CELF2: variants seen among roughly 807,000 people sequenced by gnomAD.
The protein encoded by CELF2 is CUG triplet repeat RNA-binding protein 2.
CELF2 carries 8 observed loss-of-function variants against 62.6 expected under a neutral mutation model. The ratio of observed to expected loss-of-function variants is 0.13; its 90% CI spans 0.07 to 0.23. CELF2 has a LOEUF of 0.23. CELF2 is among the 10% of genes least tolerant of loss of function. The probability of loss-of-function intolerance (pLI) is 1.00; values close to 1 mark genes in which losing one functional copy is unlikely to be tolerated. For synonymous variants in CELF2, 258 were observed against 250.0 expected (o/e 1.03, Z -0.30); for missense variants, 333 against 671.0 (o/e 0.50, Z 5.56).
chr10:10,482,690 C>A, the CELF2 span, among the ~76,000 whole-genome samples: 1 of 152,148 alleles, frequency 6.6e-6, no homozygotes, highest in African/African-American at 2.4e-5. Flanking sequence ...AGAGACTGCC[C>A]CTCCCAGAGC....
At chr10:10,664,872 A>G in the CELF2 span, among the ~76,000 whole-genome samples, 8 of 152,256 alleles carry the variant, frequency 5.3e-5, no homozygotes, top group Admixed American at 3.3e-4. Context: ...ACATTTTGCA[A>G]TCGCAAAGAG....
At chr10:10,595,618 G>A in the CELF2 span, among the ~76,000 whole-genome samples, 3 of 152,142 alleles carry the variant, frequency 2.0e-5, no homozygotes, top group African/African-American at 7.2e-5. Context: ...CCTTTCCATG[G>A]CAATGACCCA....
chr10:10,592,807 G>T, the CELF2 span, among the ~76,000 whole-genome samples: 4 of 152,190 alleles, frequency 2.6e-5, no homozygotes, highest in South Asian at 8.3e-4. Context: ...AAGCATGGGG[G>T]CGTTGCGGTG....
At position 11,191,848 on chromosome 10, in the gene CELF2, T is replaced by C. The variant is rs549094909; in HGVS notation, c.272-25577T>C. 6.6e-6 allele frequency among the ~76,000 whole-genome samples: 1 copy of C among 152,280 alleles called. No homozygotes were observed. The highest frequency in any genetic ancestry group is 2.1e-4 in the South Asian group (1 of 4,820). On this transcript the variant is annotated intron_variant, in intron 2 of 12. Coordinates refer to ENST00000633077, the MANE Select transcript of CELF2 (RefSeq NM_001326342.2). This position sits in a 1 kb window ranked among gnomAD's most constrained non-coding sequence, Gnocchi z 4.1. The stretch of plus-strand genomic sequence containing the variant: ...GAGGAGGGAGGGGCCGTGTGCATGC[T>C]CATGCTGTTTATCCCAAGCCTGTTT...
the CELF2 span, among the ~76,000 whole-genome samples, chr10:10,654,869 G>A: frequency 6.6e-6 from 1 of 150,638 alleles, no homozygotes; most frequent in Admixed American, 6.6e-5. Flanking sequence ...TTCTGGCCAG[G>A]GAAATCGGGC....
upstream of CELF2, among the ~76,000 whole-genome samples, chr10:11,003,171 G>A (rs953269875): frequency 6.6e-6 from 1 of 152,102 alleles, no homozygotes; most frequent in African/African-American, 2.4e-5. This position sits in a 1 kb window ranked among gnomAD's most constrained non-coding sequence, Gnocchi z 4.4. Flanking sequence ...CCTCAATAGC[G>A]TTCTCATTAT....
At position 10,931,372 on chromosome 10, in the gene CELF2, G is replaced by A. The variant is rs1035718300; in HGVS notation, c.89+11373G>A. ...GCTTGTCATGCTGGCTGGGGGTGGG[G>A]GGTGTAACTTTAAGGAATAATGCCA... On this transcript the variant is annotated intron_variant, in intron 2 of 13. Coordinates refer to the CELF2 transcript ENST00000636488. This position sits in a 1 kb window ranked among gnomAD's most constrained non-coding sequence, Gnocchi z 6.1. 5.9e-5 allele frequency among the ~76,000 whole-genome samples: 9 copies of A among 152,164 alleles called. No individual in the cohort carries two copies. The highest frequency in any genetic ancestry group is 4.2e-4 in the South Asian group (2 of 4,802).
At chr10:11,003,431 G>A (rs1430721252), upstream of CELF2, among the ~76,000 whole-genome samples, 4 of 152,338 alleles carry the variant, frequency 2.6e-5, no homozygotes, top group East Asian at 7.7e-4. This position sits in a 1 kb window ranked among gnomAD's most constrained non-coding sequence, Gnocchi z 4.4. Flanking sequence ...AAAGGGCTTT[G>A]TGTCCGAGCA....
chr10:10,493,270 T>C, the CELF2 span, among the ~76,000 whole-genome samples: 1 of 152,026 alleles, frequency 6.6e-6, no homozygotes, highest in Non-Finnish European at 1.5e-5. Flanking sequence ...ATTGCCAGGG[T>C]CTGGGGAGAG....
At chr10:11,059,248 A>G (rs958258655) in intron 1 of CELF2, among the ~76,000 whole-genome samples, 3 of 152,168 alleles carry the variant, frequency 2.0e-5, no homozygotes, top group Non-Finnish European at 4.4e-5. Context: ...TACACATTCT[A>G]TTCCTTAATC....
chr10:10,923,887 T>G (rs557493560), intron 2 of CELF2: 20 of 152,344 alleles, frequency 1.3e-4, no homozygotes, highest in African/African-American at 4.3e-4. Flanking sequence ...CTTTTATTTT[T>G]GCTTGTAGCA....
the CELF2 span, among the ~76,000 whole-genome samples, chr10:10,732,566 C>T: frequency 2.0e-5 from 3 of 148,600 alleles, no homozygotes; most frequent in African/African-American, 7.5e-5. Flanking sequence ...CTCTGTTGCC[C>T]AGGCTGGAGT....
chr10:11,081,255 G>A (rs1037166708), intron 1 of CELF2, among the ~76,000 whole-genome samples: 31 of 152,270 alleles, frequency 2.0e-4, no homozygotes, highest in African/African-American at 7.2e-4. Flanking sequence ...CTTTTACAAA[G>A]GGATTTTCTA....
intron 1 of CELF2, chr10:11,071,821 C>A (rs777365163): frequency 6.6e-6 from 1 of 152,178 alleles, no homozygotes; most frequent in Non-Finnish European, 1.5e-5. Flanking sequence ...TGGGACCCCA[C>A]GCAGGAACAA....
rs776282250 is a variant in CELF2, at chr10:11,165,691, C to T, written c.271+9C>T. The T allele has an allele frequency of 1.4e-5, 22 of 1,604,802 alleles. No individual in the cohort carries two copies. Among genetic ancestry groups the T allele is most frequent in the Middle Eastern group, 1.7e-4 (1 of 5,984 alleles). ...CCCTCCGCAGAGTAAAGGTACAGAG[C>T]GCGGGGCGGGGGTCGCCAGGCGTCC... is the stretch of plus-strand genomic sequence containing the variant. On this transcript the variant is annotated intron_variant, in intron 2 of 12. Coordinates refer to ENST00000633077, the MANE Select transcript of CELF2 (RefSeq NM_001326342.2). The surrounding 1 kb of genome is among the most constrained non-coding windows in gnomAD (Gnocchi z 7.4).
intron 1 of CELF2, among the ~76,000 whole-genome samples, chr10:11,035,166 T>C (rs926311231): frequency 6.6e-6 from 1 of 152,214 alleles, no homozygotes; most frequent in African/African-American, 2.4e-5. Flanking sequence ...ACCCAAACTT[T>C]TCCACCAAAA....
At chr10:11,087,964 C>T (rs1468826694) in intron 1 of CELF2, among the ~76,000 whole-genome samples, 1 of 152,230 alleles carries the variant, frequency 6.6e-6, no homozygotes, top group Non-Finnish European at 1.5e-5. Flanking sequence ...CCAATGAAGT[C>T]TGTTCTTCTG....
chr10:10,880,620 A>G (rs1288106914), intron 1 of CELF2, among the ~76,000 whole-genome samples: 3 of 152,206 alleles, frequency 2.0e-5, no homozygotes, highest in Non-Finnish European at 2.9e-5. Flanking sequence ...AGGAAGGCAT[A>G]ATTTCTGAAG....
At chr10:10,794,109 T>C (rs1293599334), upstream of CELF2, among the ~76,000 whole-genome samples, 1 of 152,190 alleles carries the variant, frequency 6.6e-6, no homozygotes, top group African/African-American at 2.4e-5. Flanking sequence ...TTGACTATCA[T>C]TGTTGCCACG....
Sources: gnomAD v4.1 joint callset for allele counts (sites outside exome capture counted in the v4.1 genomes callset) on GRCh38, gnomAD v4.1.1 for gene constraint, Gnocchi (gnomAD v3.1) non-coding constraint, MANE v1.5 for transcripts, NCBI Gene and HGNC (gene_info 2026-07-23, HGNC 2026-07-21) for gene names.